SPOCK3: variants seen among roughly 807,000 people sequenced by gnomAD.
SPOCK3 encodes SPARC (osteonectin), cwcv and kazal like domains proteoglycan 3, also known as testican-3.
In SPOCK3, 30 loss-of-function variants were observed where a neutral mutation model predicts 56.6. The observed-to-expected ratio is 0.53, with a 90% CI of 0.40 to 0.72. SPOCK3 has a LOEUF of 0.72. SPOCK3 is among the 30% of genes least tolerant of loss of function. The probability of loss-of-function intolerance (pLI) is 0.00; values close to 1 mark genes in which losing one functional copy is unlikely to be tolerated. For missense variants in SPOCK3, 527 were observed against 530.0 expected (o/e 0.99, Z 0.06); for synonymous variants, 196 against 183.3 (o/e 1.07, Z -0.56).
intron 3 of SPOCK3, among the ~76,000 whole-genome samples, chr4:167,005,782 T>C (rs1749410060): frequency 6.6e-6 from 1 of 152,122 alleles, no homozygotes; most frequent in Non-Finnish European, 1.5e-5. Flanking sequence ...GTCGGGGACT[T>C]GCAAATACTT....
intron 6 of SPOCK3, among the ~76,000 whole-genome samples, chr4:166,800,184 A>G (rs1210855291): frequency 2.1e-5 from 2 of 94,234 alleles, no homozygotes; most frequent in African/African-American, 4.8e-5. Flanking sequence ...TCCATCTCAG[A>G]AAAAAAAAAA....
chr4:167,018,089 TAA>T (rs1350278418), intron 3 of SPOCK3, among the ~76,000 whole-genome samples: 10 of 152,114 alleles, frequency 6.6e-5, no homozygotes, highest in Admixed American at 5.9e-4. Flanking sequence ...ACATTCAAGT[TAA>T]GTTTTTTATG....
intron 3 of SPOCK3, among the ~76,000 whole-genome samples, chr4:167,025,765 A>C (rs1017097937): frequency 6.6e-6 from 1 of 152,074 alleles, no homozygotes; most frequent in African/African-American, 2.4e-5. Context: ...CGTAACATAA[A>C]ATATAGTCAT....
intron 2 of SPOCK3, among the ~76,000 whole-genome samples, chr4:167,116,089 T>G (rs970306281): frequency 2.0e-5 from 3 of 151,876 alleles, no homozygotes; most frequent in African/African-American, 7.2e-5. Flanking sequence ...TTTAATAACA[T>G]CTCATGGAGT....
chr4:166,817,248 T>G (rs1385568344), intron 6 of SPOCK3, among the ~76,000 whole-genome samples: 1 of 152,108 alleles, frequency 6.6e-6, no homozygotes, highest in East Asian at 1.9e-4. Flanking sequence ...TAGGAAACTG[T>G]ATCTTTTGTA....
intron 4 of SPOCK3, among the ~76,000 whole-genome samples, chr4:166,969,404 C>T (rs1306766195): frequency 4.6e-5 from 7 of 151,542 alleles, no homozygotes; most frequent in Non-Finnish European, 5.9e-5. Context: ...GAGAGAGGGA[C>T]CTGGTGGGAG....
At chr4:167,118,478 G>A (rs80213399) in intron 2 of SPOCK3, among the ~76,000 whole-genome samples, 1,707 of 152,216 alleles carry the variant, frequency 0.011, 18 homozygotes, top group Non-Finnish European at 0.018. Flanking sequence ...AGGCAGTGAC[G>A]TTATAGAGTC....
intron 2 of SPOCK3, among the ~76,000 whole-genome samples, chr4:167,219,165 G>A (rs528233059): frequency 4.6e-5 from 7 of 152,288 alleles, no homozygotes; most frequent in South Asian, 2.1e-4. Flanking sequence ...AGGGACATCC[G>A]AGGAGAATAT....
intron 6 of SPOCK3, among the ~76,000 whole-genome samples, chr4:166,853,833 G>A (rs1730382942): frequency 6.6e-6 from 1 of 151,548 alleles, no homozygotes; most frequent in Non-Finnish European, 1.5e-5. Context: ...AGTGAGCTGA[G>A]ATCACATCAC....
At chr4:167,053,170 A>G (rs956964192) in intron 3 of SPOCK3, among the ~76,000 whole-genome samples, 1 of 152,178 alleles carries the variant, frequency 6.6e-6, no homozygotes, top group Non-Finnish European at 1.5e-5. Flanking sequence ...AATACAATGG[A>G]TAAGTATATG....
At chr4:167,044,122 A>G (rs571248007) in intron 3 of SPOCK3, among the ~76,000 whole-genome samples, 1 of 152,164 alleles carries the variant, frequency 6.6e-6, no homozygotes, top group African/African-American at 2.4e-5. Context: ...CATCTTTAAT[A>G]GATATCAGTC....
intron 2 of SPOCK3, among the ~76,000 whole-genome samples, chr4:167,139,848 C>A (rs1470291446): frequency 7.9e-5 from 12 of 151,944 alleles, no homozygotes; most frequent in Non-Finnish European, 1.6e-4. Context: ...CTTACTCTAG[C>A]CAATTTTTGT....
intron 4 of SPOCK3, among the ~76,000 whole-genome samples, chr4:166,992,187 TG>T (rs1234266847): frequency 1.2e-4 from 18 of 152,120 alleles, no homozygotes; most frequent in Admixed American, 1.2e-3. Context: ...TGTGGGTGTG[TG>T]TGTAGATAAT....
chr4:166,916,855 A>T (rs186283167), intron 4 of SPOCK3, among the ~76,000 whole-genome samples: 3 of 152,328 alleles, frequency 2.0e-5, no homozygotes, highest in Admixed American at 2.0e-4. Context: ...TTATATGAAG[A>T]TGCTTAGCAA....
At chr4:166,742,529 T>C (rs758369270) in intron 8 of SPOCK3, among the ~76,000 whole-genome samples, 10 of 152,174 alleles carry the variant, frequency 6.6e-5, no homozygotes, top group Non-Finnish European at 1.5e-4. Context: ...TTCTGTGATA[T>C]AGACAAGTAA....
intron 6 of SPOCK3, among the ~76,000 whole-genome samples, chr4:166,859,645 G>C (rs538230666): frequency 6.6e-6 from 1 of 152,118 alleles, no homozygotes; most frequent in African/African-American, 2.4e-5. Context: ...TAATCGACTG[G>C]AATAAAATTA....
chr4:167,104,361 T>C (rs150728098), intron 2 of SPOCK3, among the ~76,000 whole-genome samples: 1,846 of 152,224 alleles, frequency 0.012, 21 homozygotes, highest in Non-Finnish European at 0.018. Context: ...TTCAGAATTC[T>C]ATCAGGTACA....
intron 8 of SPOCK3, among the ~76,000 whole-genome samples, chr4:166,745,319 G>A (rs1735453870): frequency 6.6e-6 from 1 of 152,318 alleles, no homozygotes. Flanking sequence ...CCAGAAGAGA[G>A]TGGGGGCCAA....
chr4:167,157,618 T>A (rs76021386), intron 2 of SPOCK3, among the ~76,000 whole-genome samples: 5,042 of 147,772 alleles, frequency 0.034, 105 homozygotes, highest in African/African-American at 0.042. Flanking sequence ...AGGTTTTTTT[T>A]AAAAAAAAAA....
Sources: gnomAD v4.1 joint callset for allele counts (sites outside exome capture counted in the v4.1 genomes callset) on GRCh38, gnomAD v4.1.1 for gene constraint, MANE v1.5 for transcripts, NCBI Gene and HGNC (gene_info 2026-07-23, HGNC 2026-07-21) for gene names.